The following STMN2 variants were observed in gnomAD, a reference collection of about 807,000 sequenced individuals.
STMN2 encodes stathmin 2.
A neutral mutation model predicts 24.1 loss-of-function variants in STMN2; 2 were observed. The observed-to-expected ratio is 0.08, with a 90% confidence interval of 0.03 to 0.26. The LOEUF is 0.26. Among genes scored for constraint, STMN2 ranks in the 10% least tolerant of loss-of-function variants. The probability of loss-of-function intolerance (pLI) is 1.00; values close to 1 mark genes in which losing one functional copy is unlikely to be tolerated. For missense variants in STMN2, 114 were observed against 213.6 expected, an observed-to-expected ratio of 0.53 and a Z score of 2.91; for synonymous variants, 83 against 77.5, an observed-to-expected ratio of 1.07 and a Z score of -0.37.
chr8:79,611,681 C>T (rs968431223), intron 1 of STMN2: 33 of 740,448 alleles, frequency 4.5e-5, no homozygotes, highest in Non-Finnish European at 5.5e-5. Context: ...GGTCCCATCC[C>T]GCTGTTTGAA....
At chr8:79,624,464 AAAAAAAAAAAAAAAG>A (rs1231879850) in intron 1 of STMN2, among the ~76,000 whole-genome samples, 1 of 149,812 alleles carries the variant, frequency 6.7e-6, no homozygotes, top group African/African-American at 2.4e-5. Context: ...AAAAAAAAAA[AAAAAAAAAAAAAAAG>A]AAAGAAAGAA....
intron 3 of STMN2, among the ~76,000 whole-genome samples, chr8:79,646,488 G>A (rs1810220799): frequency 6.6e-6 from 1 of 151,962 alleles, no homozygotes; most frequent in African/African-American, 2.4e-5. Context: ...CATTTGAAAA[G>A]AAGCACAAAG....
intron 1 of STMN2, among the ~76,000 whole-genome samples, chr8:79,628,644 C>G (rs975577452): frequency 5.3e-5 from 8 of 152,098 alleles, no homozygotes; most frequent in African/African-American, 1.4e-4. Flanking sequence ...ATTTGCATTT[C>G]CCTGATGATT....
intron 1 of STMN2, among the ~76,000 whole-genome samples, chr8:79,634,392 A>G (rs1164503426): frequency 1.3e-5 from 2 of 152,232 alleles, no homozygotes; most frequent in East Asian, 3.8e-4. Flanking sequence ...ATATCTCAGA[A>G]TGGATGTTCC....
intron 1 of STMN2, among the ~76,000 whole-genome samples, chr8:79,615,243 T>G (rs539880374): frequency 6.6e-6 from 1 of 152,350 alleles, no homozygotes; most frequent in South Asian, 2.1e-4. Context: ...TCACCATTAT[T>G]TTTTACTTCA....
chr8:79,632,204 C>T (rs1412900532), intron 1 of STMN2, among the ~76,000 whole-genome samples: 3 of 151,902 alleles, frequency 2.0e-5, no homozygotes, highest in East Asian at 1.9e-4. Context: ...GAAAGAGGTG[C>T]TTTCTGCCAC....
Position 79,641,630 on chromosome 8 carries a change from A to G in STMN2, c.288+80A>G, listed in dbSNP as rs12675728. 7.7e-3 allele frequency: 1,302 copies of G among 169,222 alleles called. 6 individuals are homozygous for G. Among genetic ancestry groups the G allele is most frequent in the Non-Finnish European group, 9.0e-3 (917 of 102,122 alleles). 10.5% of individuals were successfully genotyped at this position (169,222 alleles called of 1,614,324 possible). On this transcript the variant is annotated intron_variant, in intron 3 of 4. Transcript: ENST00000220876. ...CACACACTCGGGCACACATGCACGCACACACACACACACACACACACACAC... is the reference window on the plus strand; with the variant it reads ...CACACACTCGGGCACACATGCACGCGCACACACACACACACACACACACAC...
At chr8:79,662,909 T>C (rs1806530571) in intron 4 of STMN2, among the ~76,000 whole-genome samples, 1 of 152,126 alleles carries the variant, frequency 6.6e-6, no homozygotes, top group Non-Finnish European at 1.5e-5. Context: ...TCTTTCTGCA[T>C]GAGAAAAAGA....
chr8:79,621,591 C>T (rs1279495201), intron 1 of STMN2, among the ~76,000 whole-genome samples: 3 of 152,170 alleles, frequency 2.0e-5, no homozygotes, highest in Non-Finnish European at 4.4e-5. Context: ...TCAGAAGAAG[C>T]AATTAACTCA....
At chr8:79,637,043 A>G (rs1333800649) in intron 2 of STMN2, 146 bp downstream of exon 2, 10 of 708,090 alleles carry the variant, frequency 1.4e-5, no homozygotes, top group Admixed American at 2.7e-5. Context: ...ATTATGTCCA[A>G]TTGATTACCT....
At chr8:79,654,836 G>C in intron 3 of STMN2, 35 bp from the exon 4 acceptor site, 1 of 1,597,740 alleles carries the variant, frequency 6.3e-7, no homozygotes, top group South Asian at 1.1e-5. Flanking sequence ...TTTGTGTTTG[G>C]ATAATTATAA....
intron 1 of STMN2, among the ~76,000 whole-genome samples, chr8:79,624,566 C>A (rs528950701): frequency 2.6e-5 from 4 of 151,612 alleles, no homozygotes; most frequent in Non-Finnish European, 4.4e-5. Flanking sequence ...AAAAACCTGT[C>A]CACTTAAACT....
At chr8:79,637,181 T>C (rs542524224) in intron 2 of STMN2, among the ~76,000 whole-genome samples, 2 of 152,338 alleles carry the variant, frequency 1.3e-5, no homozygotes, top group South Asian at 4.1e-4. Flanking sequence ...AGGTCTTTCT[T>C]TGCAAATAAT....
chr8:79,661,819 A>T (rs1029325838), intron 4 of STMN2, among the ~76,000 whole-genome samples: 1 of 152,050 alleles, frequency 6.6e-6, no homozygotes, highest in African/African-American at 2.4e-5. Context: ...ACCCCTGATC[A>T]CCAACATCTC....
rs148436969 is a variant in STMN2 at position 79,647,677 on chromosome 8, A to G, written c.288+6127A>G. Among the ~76,000 whole-genome samples, 1,316 of 152,300 alleles carry G rather than the reference A, an allele frequency of 8.6e-3. 12 individuals are homozygous for G. Among genetic ancestry groups the G allele is most frequent in the Non-Finnish European group, 0.01 (706 of 68,014 alleles). The stretch of plus-strand genomic sequence containing the variant: ...TTGAACCAGAATTAGTGCTCCAGTG[A>G]TTAGATAATAGAAGAAGCTTGTCAT... On this transcript the variant is annotated intron_variant, in intron 3 of 4. Coordinates refer to ENST00000220876, the MANE Select transcript of STMN2 (RefSeq NM_007029.4).
chr8:79,649,949 ACC>A (rs1429388101), intron 3 of STMN2, among the ~76,000 whole-genome samples: 1 of 152,094 alleles, frequency 6.6e-6, no homozygotes, highest in Non-Finnish European at 1.5e-5. Context: ...CGCTTCACGT[ACC>A]TCTCATGTAA....
At chr8:79,616,681 C>T (rs1356633736) in intron 1 of STMN2, among the ~76,000 whole-genome samples, 1 of 152,188 alleles carries the variant, frequency 6.6e-6, no homozygotes, top group African/African-American at 2.4e-5. Context: ...TATGTCTTAA[C>T]ATTTTTAAAT....
Position 79,641,440 on chromosome 8 carries a change from C to T in STMN2, c.178C>T (p.Pro60Ser). ...CCAGGCTTTTGAGCTGATCTTGAAGCCACCATCTCCTATCTCAGAAGCCCC... is the reference window on the plus strand; with the variant it reads ...CCAGGCTTTTGAGCTGATCTTGAAGTCACCATCTCCTATCTCAGAAGCCCC... ...SGQAFELILK[P>S]PSPISEAPRT... Residue 60 changes from proline (P) to serine (S), a missense_variant, in exon 3 of 5, where the codon CCA (proline) becomes TCA (serine). Coordinates refer to ENST00000220876, the MANE Select transcript of STMN2 (RefSeq NM_007029.4). The T allele has an allele frequency of 6.2e-7, 1 of 1,614,080 alleles. No homozygotes were observed. Among genetic ancestry groups the T allele is most frequent in the South Asian group, 1.1e-5 (1 of 91,086 alleles).
chr8:79,641,783 G>C (rs1810106217), intron 3 of STMN2, among the ~76,000 whole-genome samples: 1 of 151,960 alleles, frequency 6.6e-6, no homozygotes, highest in African/African-American at 2.4e-5. Flanking sequence ...GCTAATTTTA[G>C]GCTAGCCAAA....
Sources: allele counts gnomAD v4.1 joint callset (sites outside exome capture counted in the v4.1 genomes callset), GRCh38; gene constraint gnomAD v4.1.1; transcripts MANE v1.5; gene names NCBI Gene and HGNC (gene_info 2026-07-23, HGNC 2026-07-21).